MACF1: variants seen among roughly 807,000 people sequenced by gnomAD.
The protein encoded by MACF1 is microtubule actin crosslinking factor 1.
In MACF1, 193 loss-of-function variants were observed where a neutral mutation model predicts 854.8. The observed-to-expected ratio is 0.23, with a 90% CI of 0.20 to 0.25. The LOEUF (loss-of-function observed/expected upper bound fraction) is 0.25, where lower values mean the gene tolerates loss of function less well. Among genes scored for constraint, MACF1 ranks in the 10% least tolerant of loss-of-function variants. The pLI is 1.00. For missense variants in MACF1, 7,722 were observed against 8,929.1 expected, an observed-to-expected ratio of 0.86 and a Z score of 5.45; for synonymous variants, 3,185 against 3,226.7, an observed-to-expected ratio of 0.99 and a Z score of 0.44.
chr1:39,406,230 G>A (rs911176810), intron 58 of MACF1, among the ~76,000 whole-genome samples: 2 of 152,182 alleles, frequency 1.3e-5, no homozygotes, highest in Admixed American at 1.3e-4. Context: ...TAGAGAGAGT[G>A]TGACTGCAGA....
intron 28 of MACF1, among the ~76,000 whole-genome samples, 167 bp downstream of exon 28, chr1:39,316,696 G>C (rs116780913): frequency 0.013 from 1,915 of 152,322 alleles, 19 homozygotes; most frequent in African/African-American, 0.02. Flanking sequence ...AAGGGACTGA[G>C]AAGTATGTCT....
intron 26 of MACF1, among the ~76,000 whole-genome samples, chr1:39,314,556 C>CTG: frequency 2.7e-5 from 1 of 37,540 alleles, no homozygotes; most frequent in Non-Finnish European, 1.1e-4. Context: ...CTTTCTCTCT[C>CTG]TCTCTCTCTC....
intron 58 of MACF1, among the ~76,000 whole-genome samples, chr1:39,408,931 G>GC (rs1051644849): frequency 3.0e-4 from 45 of 151,136 alleles, no homozygotes; most frequent in African/African-American, 1.1e-3. Context: ...CCCCGGCCCC[G>GC]CCCCCGCCGG....
chr1:39,224,494 G>C (rs965159343), intron 1 of MACF1, among the ~76,000 whole-genome samples: 2 of 152,170 alleles, frequency 1.3e-5, no homozygotes, highest in Non-Finnish European at 2.9e-5. Flanking sequence ...AAGTGAGATA[G>C]AACTCAAAAC....
At chr1:39,378,602 A>G (rs1333081066) in intron 53 of MACF1, 79 bp downstream of exon 53, 2 of 1,370,114 alleles carry the variant, frequency 1.5e-6, no homozygotes, top group East Asian at 2.3e-5. Context: ...GTATGTTGCA[A>G]TATGTGGTGG....
rs1361498037 is a variant in MACF1, at chr1:39,204,985, G to C, written c.-38G>C. On this transcript the variant is annotated 5_prime_UTR_variant, in exon 1 of 101. Coordinates refer to ENST00000564288, the MANE Select transcript of MACF1 (RefSeq NM_001394062.1). Reference sequence around the variant, plus strand: ...GCATCCAGAGGCCTGCGCTGAGCTTGTGGCTAACTCAAGGGAGGAGAAAGG... The same window carrying C: ...GCATCCAGAGGCCTGCGCTGAGCTTCTGGCTAACTCAAGGGAGGAGAAAGG... 2 of 702,622 alleles carry C rather than the reference G, an allele frequency of 2.8e-6. No individual in the cohort carries two copies. Among genetic ancestry groups the C allele is most frequent in the Admixed American group, 2.0e-5 (1 of 49,994 alleles). 43.5% of individuals were successfully genotyped at this position (702,622 alleles called of 1,614,324 possible).
In MACF1 at chr1:39,331,476, G is replaced by A; in HGVS notation, c.4888G>A (p.Gly1630Ser). Residue 1630 changes from glycine (G) to serine (S), a missense_variant, in exon 37 of 101, where the codon GGC (glycine) becomes AGC (serine). This residue lies in a region of MACF1 where 1,531 missense variants were observed against 1,601.6 expected (regional missense o/e 0.96). Transcript: ENST00000564288. ...AATAAGCAGGCTTACTGAGAGCAGA[G>A]GCCCTCTTTCTGTGGTGGAAGCAAT... ...ALISRLTESR[G>S]PLSVVEAIEK... 6.2e-7 allele frequency: 1 copy of A among 1,614,126 alleles called. No individual in the cohort carries two copies. The highest frequency in any genetic ancestry group is 1.7e-4 in the Middle Eastern group (1 of 6,060).
chr1:39,156,226 C>G (rs1174796422), intron 2 of MACF1, among the ~76,000 whole-genome samples: 1 of 151,562 alleles, frequency 6.6e-6, no homozygotes, highest in East Asian at 2.0e-4. Flanking sequence ...CCAGGCTGGT[C>G]TCGAACTCCT....
intron 1 of MACF1, among the ~76,000 whole-genome samples, chr1:39,209,773 T>C (rs1420927027): frequency 6.6e-6 from 1 of 152,120 alleles, no homozygotes; most frequent in East Asian, 1.9e-4. Context: ...CTTGGTTTTC[T>C]TGAACTTCAG....
chr1:39,482,530 G>T (rs372605943), intron 99 of MACF1, among the ~76,000 whole-genome samples: 1 of 146,776 alleles, frequency 6.8e-6, no homozygotes, highest in Non-Finnish European at 1.5e-5. Flanking sequence ...TTGTTTGTTT[G>T]TTTTTTCATT....
chr1:39,462,003 G>A lies in MACF1; in HGVS notation c.21644G>A (p.Arg7215Gln), dbSNP rs116746108. 23 of 1,613,758 alleles carry A rather than the reference G, an allele frequency of 1.4e-5. No individual in the cohort carries two copies. Among genetic ancestry groups the A allele is most frequent in the Non-Finnish European group, 1.9e-5 (22 of 1,179,922 alleles). The change falls in exon 93 of 101, where the codon CGA (arginine) becomes CAA (glutamine). Residue 7215 changes from arginine (R) to glutamine (Q), a missense_variant. Physicochemically the swap from Arg to Gln is conservative, Grantham distance 43. Transcript: ENST00000564288. ...AALHPNKDAY[R>Q]PTTDADKIED... ...CTTCATCCCAACAAGGATGCGTATC[G>A]ACCAACAACCGATGCAGATAAAATC...
In MACF1 at chr1:39,357,404, G is replaced by A. The variant is rs1348257660; in HGVS notation, c.11454G>A (p.Gln3818=). The A allele has an allele frequency of 1.9e-6, 3 of 1,613,118 alleles. No individual in the cohort carries two copies. The highest frequency in any genetic ancestry group is 1.7e-6 in the Non-Finnish European group (2 of 1,179,562). ...KARHQELLSQ[Q]QNFILATQSA... is the part of the protein sequence containing the mutation. The stretch of plus-strand genomic sequence containing the variant: ...GTCACCAAGAATTGCTGTCCCAGCA[G>A]CAAAATTTCATTCTGGCCACCCAGT... The change falls in exon 45 of 101, where the codon CAG becomes CAA. Residue 3818 remains glutamine, a synonymous_variant. Transcript: ENST00000564288.
At chr1:39,228,239 G>A (rs967967060) in intron 1 of MACF1, among the ~76,000 whole-genome samples, 1 of 152,010 alleles carries the variant, frequency 6.6e-6, no homozygotes, top group Non-Finnish European at 1.5e-5. Flanking sequence ...GGAACCCAGG[G>A]GGCAGAGTTG....
chr1:39,435,592 A>G lies in MACF1; in HGVS notation c.17819A>G (p.His5940Arg). The stretch of plus-strand genomic sequence containing the variant: ...GAATCTATTGCTGAACACAAACCTC[A>G]TATTGACAAACTACTAAAGATAGGC... ...LRESIAEHKP[H>R]IDKLLKIGPQ... is the part of the protein sequence containing the mutation. The change falls in exon 70 of 101, where the codon CAT becomes CGT. Residue 5940 changes from histidine to arginine, a missense_variant. By Grantham distance (29) the His-to-Arg change is conservative. Coordinates refer to ENST00000564288, the MANE Select transcript of MACF1 (RefSeq NM_001394062.1). The G allele has an allele frequency of 6.2e-7, 1 of 1,614,184 alleles. No individual in the cohort carries two copies. Among genetic ancestry groups the G allele is most frequent in the Non-Finnish European group, 8.5e-7 (1 of 1,180,004 alleles).
chr1:39,446,750 A>G (rs1644239849), intron 80 of MACF1, among the ~76,000 whole-genome samples: 1 of 151,564 alleles, frequency 6.6e-6, no homozygotes, highest in Admixed American at 6.6e-5. Flanking sequence ...GAGCTTATGA[A>G]CTCTGTGGGA....
At chr1:39,459,004 G>A (rs986206640) in intron 90 of MACF1, 82 bp from the exon 91 acceptor site, 56 of 1,198,006 alleles carry the variant, frequency 4.7e-5, no homozygotes, top group Non-Finnish European at 5.2e-5. Flanking sequence ...TTATTATAAA[G>A]ATCTTCTAGG....
intron 89 of MACF1, 141 bp from the exon 90 acceptor site, chr1:39,458,229 G>A: frequency 1.4e-6 from 1 of 692,228 alleles, no homozygotes; most frequent in Non-Finnish European, 2.4e-6. Context: ...ACATCCCTCA[G>A]TAACTCAACT....
chr1:39,387,379 A>G lies in MACF1; in HGVS notation c.14537A>G (p.His4846Arg). 1 of 1,614,182 alleles carries G rather than the reference A, an allele frequency of 6.2e-7. No homozygotes were observed. Among genetic ancestry groups the G allele is most frequent in the South Asian group, 1.1e-5 (1 of 91,074 alleles). ...GAGTTTCAGAAAAGTCTTAATCAAC[A>G]CAGTGGCTCCTATGAGGTGATTGTG... ...NEEFQKSLNQ[H>R]SGSYEVIVAE... The change falls in exon 58 of 101, where the codon CAC becomes CGC. Residue 4846 changes from histidine (H) to arginine (R), a missense_variant. By Grantham distance (29) the His-to-Arg change is conservative. This residue lies in a region of MACF1 where 2,807 missense variants were observed against 3,235.8 expected (regional missense o/e 0.87). Transcript: ENST00000564288.
At chr1:39,138,804 A>C (rs967667971) in intron 2 of MACF1, among the ~76,000 whole-genome samples, 28 of 151,982 alleles carry the variant, frequency 1.8e-4, no homozygotes, top group African/African-American at 6.7e-4. Flanking sequence ...AGCTGGGATT[A>C]CAGGTGAGTG....
Sources: allele counts gnomAD v4.1 joint callset (sites outside exome capture counted in the v4.1 genomes callset), GRCh38; gene constraint gnomAD v4.1.1; regional missense constraint gnomAD v4.1.1; transcripts MANE v1.5; gene names NCBI Gene and HGNC (gene_info 2026-07-23, HGNC 2026-07-21).